ADGRL2: variants seen among roughly 807,000 people sequenced by gnomAD.
The protein encoded by ADGRL2 is adhesion G protein-coupled receptor L2.
ADGRL2 carries 44 observed loss-of-function variants against 157.4 expected under a neutral mutation model. The ratio of observed to expected loss-of-function variants is 0.28; its 90% CI spans 0.22 to 0.36. The LOEUF (loss-of-function observed/expected upper bound fraction) is 0.36, where lower values mean the gene tolerates loss of function less well. ADGRL2 is among the 10% of genes least tolerant of loss of function. The probability of loss-of-function intolerance (pLI) is 1.00; values close to 1 mark genes in which losing one functional copy is unlikely to be tolerated. For synonymous variants in ADGRL2, 585 were observed against 624.7 expected, an observed-to-expected ratio of 0.94 and a Z score of 0.95; for missense variants, 1,510 against 1,768.9, an observed-to-expected ratio of 0.85 and a Z score of 2.63.
chr1:81,920,545 A>G (rs909419397), intron 3 of ADGRL2, among the ~76,000 whole-genome samples: 4 of 152,234 alleles, frequency 2.6e-5, no homozygotes, highest in South Asian at 2.1e-4. Flanking sequence ...GTGAATCCCA[A>G]TGAATGCCAG....
chr1:81,884,036 G>GTCACTGCAC (rs2094060562), intron 2 of ADGRL2, among the ~76,000 whole-genome samples: 3 of 149,458 alleles, frequency 2.0e-5, no homozygotes, highest in Non-Finnish European at 4.4e-5. Context: ...TTGTCACCCA[G>GTCACTGCAC]TCTAGAGTGC....
At chr1:81,712,711 C>A (rs2083970769) in intron 1 of ADGRL2, among the ~76,000 whole-genome samples, 1 of 150,352 alleles carries the variant, frequency 6.7e-6, no homozygotes, top group Non-Finnish European at 1.5e-5. Context: ...CCTCAGAAAA[C>A]ACACTGCCTA....
chr1:81,619,508 T>A (rs1387058877), intron 3 of ADGRL2, among the ~76,000 whole-genome samples: 1 of 152,210 alleles, frequency 6.6e-6, no homozygotes, highest in Non-Finnish European at 1.5e-5. Flanking sequence ...ACAAATCAGA[T>A]GCACTTCTGC....
intron 3 of ADGRL2, among the ~76,000 whole-genome samples, chr1:81,635,987 A>T (rs1255082574): frequency 6.6e-6 from 1 of 152,218 alleles, no homozygotes; most frequent in Non-Finnish European, 1.5e-5. Context: ...TCCCAGACAC[A>T]GTCATGAGAC....
chr1:81,903,057 T>TA lies in ADGRL2; in HGVS notation c.74-3959dup, dbSNP rs571031679. Among the ~76,000 whole-genome samples, 176 of 152,320 alleles carry TA rather than the reference T, an allele frequency of 1.2e-3. 1 individual carries two copies. The highest frequency in any genetic ancestry group is 4.0e-3 in the African/African-American group (166 of 41,574). On this transcript the variant is annotated intron_variant, in intron 2 of 23. Coordinates refer to ENST00000686636, the MANE Select transcript of ADGRL2 (RefSeq NM_001366006.2). Reference sequence around the variant, plus strand: ...TAAAAGGAGCTTGCCTGTTTAGACTTACAGATTGAGGAAATTTTATAAGAC... The same window carrying TA: ...TAAAAGGAGCTTGCCTGTTTAGACTTAACAGATTGAGGAAATTTTATAAGAC...
At chr1:81,974,089 T>G (rs1003313548) in intron 17 of ADGRL2, among the ~76,000 whole-genome samples, 2 of 152,218 alleles carry the variant, frequency 1.3e-5, no homozygotes, top group African/African-American at 4.8e-5. Context: ...TAGGAAAGTA[T>G]AGCTTTGCAT....
intron 1 of ADGRL2, among the ~76,000 whole-genome samples, chr1:81,747,061 C>G (rs1269173638): frequency 2.1e-5 from 3 of 144,442 alleles, no homozygotes; most frequent in Non-Finnish European, 4.5e-5. Context: ...CGTATATACA[C>G]ATGTGTATAT....
intron 1 of ADGRL2, among the ~76,000 whole-genome samples, chr1:81,835,440 G>A (rs1486996344): frequency 6.6e-6 from 1 of 152,086 alleles, no homozygotes; most frequent in East Asian, 1.9e-4. Context: ...CAGGTTTAAG[G>A]CAGGCACATT....
intron 1 of ADGRL2, among the ~76,000 whole-genome samples, chr1:81,821,189 G>A (rs2090957191): frequency 6.6e-6 from 1 of 152,130 alleles, no homozygotes; most frequent in African/African-American, 2.4e-5. Context: ...CATTTTTAAT[G>A]TTTATAAGAT....
At chr1:81,984,767 A>C in intron 20 of ADGRL2, 56 bp downstream of exon 20, 1 of 1,577,992 alleles carries the variant, frequency 6.3e-7, no homozygotes, top group Non-Finnish European at 8.7e-7. Flanking sequence ...AAACCTACTG[A>C]GACATGTTCT....
Position 81,457,350 on chromosome 1 carries a change from A to G in ADGRL2, c.-248+12261A>G, listed in dbSNP as rs565042122. ...AAGAAAATGTGGACCTCCACTCTTAATGAACTAGGAAAATTAATTTATTTA... is the reference window on the plus strand; with the variant it reads ...AAGAAAATGTGGACCTCCACTCTTAGTGAACTAGGAAAATTAATTTATTTA... On this transcript the variant is annotated intron_variant, in intron 2 of 24. Transcript: ENST00000370721. Among the ~76,000 whole-genome samples the G allele has an allele frequency of 2.6e-4, 40 of 152,244 alleles. 1 individual carries two copies. In the South Asian group the frequency reaches 7.7e-3, roughly 29 times the overall value.
chr1:81,375,399 G>C (rs1180165529), intron 1 of ADGRL2, among the ~76,000 whole-genome samples: 1 of 152,146 alleles, frequency 6.6e-6, no homozygotes, highest in Non-Finnish European at 1.5e-5. Flanking sequence ...ATTTAAGATA[G>C]CAAACAGCAG....
chr1:81,427,905 T>G (rs1386483307), intron 1 of ADGRL2, among the ~76,000 whole-genome samples: 1 of 152,224 alleles, frequency 6.6e-6, no homozygotes. Flanking sequence ...TTTCTTCTTC[T>G]TTTTCTTTTC....
intron 3 of ADGRL2, among the ~76,000 whole-genome samples, chr1:81,643,228 T>C (rs1405489316): frequency 2.6e-5 from 4 of 152,184 alleles, no homozygotes; most frequent in Admixed American, 1.3e-4. Flanking sequence ...TAATAAGTGA[T>C]TATAGCAGGG....
chr1:81,828,866 C>T (rs2091715494), intron 1 of ADGRL2, among the ~76,000 whole-genome samples: 1 of 151,836 alleles, frequency 6.6e-6, no homozygotes, highest in Admixed American at 6.6e-5. Flanking sequence ...ATAGGTGTGT[C>T]CATGAATATT....
intron 2 of ADGRL2, among the ~76,000 whole-genome samples, chr1:81,470,601 C>A (rs140539042): frequency 1.3e-5 from 2 of 152,324 alleles, no homozygotes; most frequent in African/African-American, 4.8e-5. Flanking sequence ...AAGAAACACA[C>A]ACAAAAACAT....
intron 1 of ADGRL2, among the ~76,000 whole-genome samples, chr1:81,324,101 T>A (rs1308930190): frequency 3.3e-5 from 5 of 151,936 alleles, no homozygotes. Context: ...AGGAGGCAAG[T>A]GGTAGTGTGA....
At chr1:81,564,095 C>A (rs938757859) in intron 2 of ADGRL2, among the ~76,000 whole-genome samples, 1 of 152,116 alleles carries the variant, frequency 6.6e-6, no homozygotes, top group Non-Finnish European at 1.5e-5. Context: ...ATGATCCCAG[C>A]CACTATGTGT....
chr1:81,500,035 C>T (rs2078812817), intron 2 of ADGRL2, among the ~76,000 whole-genome samples: 1 of 152,110 alleles, frequency 6.6e-6, no homozygotes, highest in South Asian at 2.1e-4. Context: ...AACTCAGTGT[C>T]AGTCACTTAG....
Sources: allele counts gnomAD v4.1 joint callset (sites outside exome capture counted in the v4.1 genomes callset), GRCh38; gene constraint gnomAD v4.1.1; transcripts MANE v1.5; gene names NCBI Gene and HGNC (gene_info 2026-07-23, HGNC 2026-07-21).